Variants in SLC8A1 observed in about 807,000 individuals in gnomAD.
SLC8A1 encodes the protein sodium/calcium exchanger 1.
A neutral mutation model predicts 68.3 loss-of-function variants in SLC8A1; 18 were observed. The ratio of observed to expected loss-of-function variants is 0.26; its 90% CI spans 0.18 to 0.39. SLC8A1 has a LOEUF of 0.39. Ranked by LOEUF, SLC8A1 falls within the 10% of genes least tolerant of loss-of-function variation. SLC8A1 has a pLI of 1.00. For synonymous variants in SLC8A1, 475 were observed against 415.5 expected, an observed-to-expected ratio of 1.14 and a Z score of -1.74; for missense variants, 985 against 1,156.7, an observed-to-expected ratio of 0.85 and a Z score of 2.15.
At chr2:40,463,349 G>A (rs1280398805) in intron 1 of SLC8A1, among the ~76,000 whole-genome samples, 2 of 152,218 alleles carry the variant, frequency 1.3e-5, no homozygotes, top group East Asian at 3.9e-4. Context: ...TGTCAGCGGC[G>A]GCTGCAAGAT....
At chr2:40,425,969 A>T (rs1363148128) in intron 2 of SLC8A1, among the ~76,000 whole-genome samples, 2 of 151,954 alleles carry the variant, frequency 1.3e-5, no homozygotes, top group Admixed American at 6.6e-5. Flanking sequence ...AAGACATGGA[A>T]TCAACATATC....
chr2:40,139,380 A>C lies in SLC8A1; in HGVS notation c.2437+21T>G, dbSNP rs762265756. 5 of 1,612,656 alleles carry C rather than the reference A, an allele frequency of 3.1e-6. No individual in the cohort carries two copies. The South Asian group carries it at 5.5e-5, about 18-fold the overall frequency. ...ATGAACTTCTGCTACTGGGGGAATT[A>C]TACATGAATGTAATTTGTACCTGGC... On this transcript the variant is annotated intron_variant, in intron 7 of 7. Transcript: ENST00000406785.
intron 2 of SLC8A1, among the ~76,000 whole-genome samples, chr2:40,231,096 T>A (rs1015721913): frequency 1.3e-5 from 2 of 152,198 alleles, no homozygotes; most frequent in South Asian, 4.1e-4. Context: ...CTCCCTGGCC[T>A]GCTTTGCCTT....
At chr2:40,120,011 C>T (rs1285402621) in intron 7 of SLC8A1, among the ~76,000 whole-genome samples, 6 of 152,158 alleles carry the variant, frequency 3.9e-5, no homozygotes, top group African/African-American at 1.4e-4. Context: ...CAAAAATAGG[C>T]CAATACTCTC....
intron 2 of SLC8A1, among the ~76,000 whole-genome samples, chr2:40,248,485 A>G (rs1397245832): frequency 1.3e-5 from 2 of 152,130 alleles, no homozygotes; most frequent in East Asian, 3.9e-4. Flanking sequence ...AGGAAATTGT[A>G]CTTCACCAGA....
chr2:40,442,392 A>C (rs1255886926), intron 1 of SLC8A1, among the ~76,000 whole-genome samples: 1 of 143,292 alleles, frequency 7.0e-6, no homozygotes, highest in Non-Finnish European at 1.5e-5. Flanking sequence ...AGGAACTTAA[A>C]TTTACAAAAA....
At chr2:40,402,598 CAT>C (rs1387292451) in intron 2 of SLC8A1, among the ~76,000 whole-genome samples, 3 of 152,184 alleles carry the variant, frequency 2.0e-5, no homozygotes, top group Non-Finnish European at 4.4e-5. Flanking sequence ...TTGATTGAAA[CAT>C]AGGTGATAAA....
At position 40,357,271 on chromosome 2, in the gene SLC8A1, C is replaced by G. The variant is rs1044290482; in HGVS notation, c.1808+71202G>C. Among the ~76,000 whole-genome samples the G allele has an allele frequency of 4.6e-5, 7 of 152,072 alleles. No individual in the cohort carries two copies. In the South Asian group the frequency reaches 1.4e-3, roughly 31 times the overall value. On this transcript the variant is annotated intron_variant, in intron 2 of 7. Transcript: ENST00000406785. ...CTTTGGGAGGCCGAAGCAGGAGGAT[C>G]CCTTGAGCCCAGGAGTTTGAGACCA...
intron 2 of SLC8A1, among the ~76,000 whole-genome samples, chr2:40,400,834 C>A (rs1224804170): frequency 6.6e-6 from 1 of 152,104 alleles, no homozygotes; most frequent in African/African-American, 2.4e-5. Context: ...TGCCAACTGG[C>A]ATAGGGAGCA....
intron 2 of SLC8A1, among the ~76,000 whole-genome samples, chr2:40,270,584 G>A (rs1397683926): frequency 3.3e-5 from 5 of 152,142 alleles, no homozygotes; most frequent in African/African-American, 1.2e-4. Flanking sequence ...ATTTCCCTCT[G>A]ACTCTACCCA....
chr2:40,466,628 T>A (rs1315129509), intron 1 of SLC8A1, among the ~76,000 whole-genome samples: 3 of 152,158 alleles, frequency 2.0e-5, no homozygotes, highest in Non-Finnish European at 4.4e-5. Flanking sequence ...TGTAGTGCAA[T>A]AAGGATAAAG....
At position 40,363,243 on chromosome 2, in the gene SLC8A1, T is replaced by C. The variant is rs186064047; in HGVS notation, c.1808+65230A>G. On this transcript the variant is annotated intron_variant, in intron 2 of 7. Coordinates refer to ENST00000406785, the Ensembl canonical transcript of SLC8A1. ...CATGCTTTATTTTTTTAATTTAAAG[T>C]TAAAGCTCATTGACAAAAGACTAAG... Among the ~76,000 whole-genome samples, 4 of 152,152 alleles carry C rather than the reference T, an allele frequency of 2.6e-5. No individual in the cohort carries two copies. In the East Asian group the frequency reaches 7.7e-4, roughly 29 times the overall value.
chr2:40,493,013 A>C (rs1185819498), intron 1 of SLC8A1, among the ~76,000 whole-genome samples: 1 of 152,226 alleles, frequency 6.6e-6, no homozygotes, highest in Non-Finnish European at 1.5e-5. Context: ...CCAAAGGACT[A>C]TAAATCATGC....
chr2:40,265,987 A>G (rs556967737), intron 2 of SLC8A1, among the ~76,000 whole-genome samples: 13 of 152,288 alleles, frequency 8.5e-5, no homozygotes, highest in Non-Finnish European at 1.6e-4. Context: ...AGCCACATTA[A>G]TTTCCCAAGG....
At chr2:40,245,341 G>T (rs2061726287) in intron 2 of SLC8A1, among the ~76,000 whole-genome samples, 1 of 129,868 alleles carries the variant, frequency 7.7e-6, no homozygotes, top group South Asian at 2.2e-4. Context: ...TAGTCACACT[G>T]ATTGTCCGTT....
chr2:40,177,680 G>T, intron 3 of SLC8A1: 1 of 903,998 alleles, frequency 1.1e-6, no homozygotes, highest in Non-Finnish European at 1.8e-6. Flanking sequence ...AGAGAGTTAA[G>T]TGTGAGAGTA....
intron 2 of SLC8A1, among the ~76,000 whole-genome samples, chr2:40,311,907 T>C (rs559108273): frequency 6.6e-6 from 1 of 152,174 alleles, no homozygotes; most frequent in Non-Finnish European, 1.5e-5. Context: ...AAAATAGTTC[T>C]ACATCAAATA....
intron 2 of SLC8A1, among the ~76,000 whole-genome samples, chr2:40,201,638 A>G (rs960479209): frequency 6.6e-6 from 1 of 151,926 alleles, no homozygotes; most frequent in Non-Finnish European, 1.5e-5. Context: ...TGAAGAACTT[A>G]TGCTGAAATG....
intron 2 of SLC8A1, among the ~76,000 whole-genome samples, chr2:40,412,783 C>A (rs1692561902): frequency 6.6e-6 from 1 of 152,124 alleles, no homozygotes; most frequent in Non-Finnish European, 1.5e-5. Flanking sequence ...TAGGAAGACA[C>A]CAACCTCATT....
Sources: gnomAD v4.1 joint callset for allele counts (sites outside exome capture counted in the v4.1 genomes callset) on GRCh38, gnomAD v4.1.1 for gene constraint, MANE v1.5 for transcripts, NCBI Gene and HGNC (gene_info 2026-07-23, HGNC 2026-07-21) for gene names.